The following NR6A1 variants were observed in gnomAD, a reference collection of about 807,000 sequenced individuals.
The protein encoded by NR6A1 is retinoic acid receptor-related testis-associated receptor.
A neutral mutation model predicts 59.1 loss-of-function variants in NR6A1; 7 were observed. That is an observed-to-expected ratio of 0.12 (90% CI 0.07 to 0.22). The LOEUF is 0.22. Among genes scored for constraint, NR6A1 ranks in the 10% least tolerant of loss-of-function variants. The pLI is 1.00. For missense variants in NR6A1, 468 were observed against 611.6 expected (o/e 0.77, Z 2.48); for synonymous variants, 243 against 236.1 (o/e 1.03, Z -0.27).
rs1832788091 is a variant in NR6A1 at position 124,520,972 on chromosome 9, A to C, written c.*1733T>G. The C allele has an allele frequency of 6.6e-6, 1 of 152,230 alleles. No individual in the cohort carries two copies. Among genetic ancestry groups the C allele is most frequent in the Admixed American group, 6.5e-5 (1 of 15,286 alleles). The allele number at this position is 152,230 out of a possible 1,614,324, so 9.4% of individuals were successfully genotyped here. A position where few individuals can be genotyped will look rare whatever the true frequency, so the allele number is the denominator to read the frequency against. ...ACCCGTAACATTTCACCAGAAAGAA[A>C]CAATTACAATCAGACATGGACTACC... On this transcript the variant is annotated 3_prime_UTR_variant, in exon 10 of 10. Transcript: ENST00000487099.
At chr9:124,616,554 G>A (rs1835900321) in intron 2 of NR6A1, among the ~76,000 whole-genome samples, 1 of 151,874 alleles carries the variant, frequency 6.6e-6, no homozygotes, top group Non-Finnish European at 1.5e-5. Context: ...GATCAGATCT[G>A]CATCTATATA....
chr9:124,726,092 T>C (rs1372128691), intron 2 of NR6A1, among the ~76,000 whole-genome samples: 4 of 152,238 alleles, frequency 2.6e-5, no homozygotes, highest in African/African-American at 9.6e-5. Context: ...GTCAAAGGCA[T>C]ATCATACTTG....
chr9:124,584,817 C>T (rs114656445), intron 2 of NR6A1, among the ~76,000 whole-genome samples: 1,574 of 152,196 alleles, frequency 0.01, 26 homozygotes, highest in African/African-American at 0.036. Context: ...GGAAGAGCCA[C>T]GTCTCTCACT....
intron 2 of NR6A1, among the ~76,000 whole-genome samples, chr9:124,720,616 T>C (rs1839534990): frequency 6.6e-6 from 1 of 152,130 alleles, no homozygotes; most frequent in Non-Finnish European, 1.5e-5. Flanking sequence ...TTCTTTCAGA[T>C]CATATCTATG....
chr9:124,623,721 A>G (rs1161682526), intron 2 of NR6A1, among the ~76,000 whole-genome samples: 1 of 152,108 alleles, frequency 6.6e-6, no homozygotes, highest in Non-Finnish European at 1.5e-5. Flanking sequence ...CTGAATATTT[A>G]GTGAGGGAAG....
intron 2 of NR6A1, among the ~76,000 whole-genome samples, chr9:124,631,977 G>T (rs1836457372): frequency 6.6e-6 from 1 of 152,146 alleles, no homozygotes; most frequent in African/African-American, 2.4e-5. Context: ...CTCCATGTAT[G>T]TCCCTGCAAA....
chr9:124,595,711 T>G lies in NR6A1; in HGVS notation c.143-41141A>C, dbSNP rs781631104. ...TTTGCTCTAAACCTTCAAAGAAAAT[T>G]TCTAACCCTTAGATTTGGGCCCCAG... On this transcript the variant is annotated intron_variant, in intron 2 of 9. Transcript: ENST00000487099. 1.2e-5 allele frequency: 13 copies of G among 1,127,646 alleles called. No homozygotes were observed. In the South Asian group the frequency reaches 1.3e-4, roughly 11 times the overall value. The allele number at this position is 1,127,646 out of a possible 1,614,324, so 69.9% of individuals were successfully genotyped here.
rs759271098 is a variant in NR6A1 at position 124,642,270 on chromosome 9, G to A, written c.143-87700C>T. Among the ~76,000 whole-genome samples the A allele has an allele frequency of 4.3e-4, 66 of 152,248 alleles. 1 individual carries two copies. Among genetic ancestry groups the A allele is most frequent in the Admixed American group, 1.9e-3 (29 of 15,300 alleles). ...TTGCCATGTTGGCCAGGCTGGTCTC[G>A]AACTCCTGACCTCGGGTGATCCGCC... On this transcript the variant is annotated intron_variant, in intron 2 of 9. Transcript: ENST00000487099.
chr9:124,662,508 G>T (rs1327038919), intron 2 of NR6A1, among the ~76,000 whole-genome samples: 1 of 152,160 alleles, frequency 6.6e-6, no homozygotes, highest in East Asian at 1.9e-4. Context: ...CTAGTAAGGT[G>T]CCAGGCACAT....
intron 2 of NR6A1, among the ~76,000 whole-genome samples, chr9:124,577,841 G>GATAGA: frequency 6.6e-6 from 1 of 152,198 alleles, no homozygotes; most frequent in Admixed American, 6.5e-5. Context: ...TAAAGCTGAA[G>GATAGA]ATAGATGGGC....
intron 7 of NR6A1, among the ~76,000 whole-genome samples, chr9:124,530,247 G>T (rs548776398): frequency 6.6e-6 from 1 of 152,142 alleles, no homozygotes; most frequent in Admixed American, 6.5e-5. Flanking sequence ...CCTCCAACAG[G>T]CAGCCACCGT....
chr9:124,669,821 T>G (rs1346579814), intron 2 of NR6A1, among the ~76,000 whole-genome samples: 1 of 152,174 alleles, frequency 6.6e-6, no homozygotes, highest in Non-Finnish European at 1.5e-5. Context: ...AGTCTTGAAC[T>G]CCTGACCTCA....
At chr9:124,632,809 G>A (rs1250022174) in intron 2 of NR6A1, among the ~76,000 whole-genome samples, 1 of 152,116 alleles carries the variant, frequency 6.6e-6, no homozygotes, top group Non-Finnish European at 1.5e-5. Flanking sequence ...GCAATGTGAT[G>A]GGGACTGTGT....
chr9:124,625,649 T>A (rs1238688131), intron 2 of NR6A1, among the ~76,000 whole-genome samples: 1 of 152,222 alleles, frequency 6.6e-6, no homozygotes, highest in African/African-American at 2.4e-5. Context: ...TAGTTATTTT[T>A]ATGCCAACTT....
In NR6A1 at chr9:124,573,501, A is replaced by G. The variant is rs536385265; in HGVS notation, c.143-18931T>C. On this transcript the variant is annotated intron_variant, in intron 2 of 9. Transcript: ENST00000487099. ...CCCATGGGACAATCTTTCACAGAAGACAACAACATGGTCCCCTAAGCTTTC... is the reference window on the plus strand; with the variant it reads ...CCCATGGGACAATCTTTCACAGAAGGCAACAACATGGTCCCCTAAGCTTTC... Among the ~76,000 whole-genome samples the G allele has an allele frequency of 7.9e-5, 12 of 152,344 alleles. 1 individual carries two copies. The South Asian group carries it at 2.5e-3, about 32-fold the overall frequency.
intron 2 of NR6A1, among the ~76,000 whole-genome samples, chr9:124,629,528 A>G (rs2130877533): frequency 6.6e-6 from 1 of 152,342 alleles, no homozygotes; most frequent in Non-Finnish European, 1.5e-5. Context: ...GCTCCAGAAG[A>G]TGGGAATCAA....
At chr9:124,544,951 G>T (rs985383165) in intron 3 of NR6A1, among the ~76,000 whole-genome samples, 1 of 152,172 alleles carries the variant, frequency 6.6e-6, no homozygotes, top group African/African-American at 2.4e-5. Context: ...CAGAAGATAA[G>T]CTAATGACAT....
chr9:124,565,629 G>A (rs1336263673), intron 2 of NR6A1, among the ~76,000 whole-genome samples: 1 of 152,042 alleles, frequency 6.6e-6, no homozygotes, highest in Non-Finnish European at 1.5e-5. Flanking sequence ...TCCTATATAA[G>A]AATAAGAAAA....
chr9:124,543,762 C>A, intron 4 of NR6A1, 40 bp downstream of exon 4: 1 of 1,543,410 alleles, frequency 6.5e-7, no homozygotes, highest in Non-Finnish European at 8.9e-7. Flanking sequence ...GAGCCCTGGG[C>A]TTCCAGGACG....
Sources: gnomAD v4.1 joint callset for allele counts (sites outside exome capture counted in the v4.1 genomes callset) on GRCh38, gnomAD v4.1.1 for gene constraint, MANE v1.5 for transcripts, NCBI Gene and HGNC (gene_info 2026-07-23, HGNC 2026-07-21) for gene names.